TMEM63C: variants seen among roughly 807,000 people sequenced by gnomAD.
TMEM63C encodes osmosensitive cation channel TMEM63C.
A neutral mutation model predicts 99.2 loss-of-function variants in TMEM63C; 32 were observed. The observed-to-expected ratio is 0.32, with a 90% CI of 0.24 to 0.43. The LOEUF is 0.43. TMEM63C is among the 20% of genes least tolerant of loss of function. TMEM63C has a pLI of 1.00. For synonymous variants in TMEM63C, 376 were observed against 397.9 expected (o/e 0.94, Z 0.66); for missense variants, 826 against 1,053.0 (o/e 0.78, Z 2.98).
At chr14:77,211,127 T>C (rs1480594724) in intron 1 of TMEM63C, among the ~76,000 whole-genome samples, 8 of 152,178 alleles carry the variant, frequency 5.3e-5, no homozygotes. Flanking sequence ...CCCTAAAGGC[T>C]AGGGAAGCTG....
intron 16 of TMEM63C, among the ~76,000 whole-genome samples, chr14:77,244,849 G>T (rs1889240921): frequency 6.6e-6 from 1 of 152,188 alleles, no homozygotes; most frequent in African/African-American, 2.4e-5. Flanking sequence ...GAATGCTTTG[G>T]CCACACAGAG....
chr14:77,258,524 T>C lies in TMEM63C; in HGVS notation c.*1798T>C, dbSNP rs1889515882. On this transcript the variant is annotated 3_prime_UTR_variant, in exon 24 of 24. Transcript: ENST00000298351. ...TTCCCATTCCTTGTCCAGCTAGGAA[T>C]AAAGGGGAAATGGTCCTAGCCTGGC... The C allele has an allele frequency of 6.6e-6, 1 of 152,136 alleles. No individual in the cohort carries two copies. Among genetic ancestry groups the C allele is most frequent in the South Asian group, 2.1e-4 (1 of 4,828 alleles). The allele number at this position is 152,136 out of a possible 1,614,324, so 9.4% of individuals were successfully genotyped here.
intron 1 of TMEM63C, among the ~76,000 whole-genome samples, chr14:77,202,448 T>C (rs1185773975): frequency 6.6e-6 from 1 of 152,206 alleles, no homozygotes; most frequent in Non-Finnish European, 1.5e-5. Flanking sequence ...CTTCCAGTCC[T>C]GGAGGCCAGA....
intron 17 of TMEM63C, 139 bp from the exon 18 acceptor site, chr14:77,246,470 G>C (rs1385509105): frequency 8.0e-6 from 6 of 747,168 alleles, no homozygotes; most frequent in Admixed American, 6.8e-5. Context: ...CACTAAGAAG[G>C]AAGAGGGGAA....
At chr14:77,236,557 G>A (rs969329715) in intron 8 of TMEM63C, 67 bp from the exon 9 acceptor site, 3 of 1,136,846 alleles carry the variant, frequency 2.6e-6, no homozygotes, top group Non-Finnish European at 4.0e-6. Flanking sequence ...AGGCCCAGGG[G>A]TCTCTGTGCA....
chr14:77,216,386 A>G (rs1372771214), intron 2 of TMEM63C, among the ~76,000 whole-genome samples: 2 of 152,160 alleles, frequency 1.3e-5, no homozygotes, highest in Non-Finnish European at 2.9e-5. Context: ...TCTCTTCTGT[A>G]ATTCAGGGCT....
chr14:77,182,743 T>C (rs1887935635), intron 1 of TMEM63C, among the ~76,000 whole-genome samples: 1 of 152,154 alleles, frequency 6.6e-6, no homozygotes, highest in Non-Finnish European at 1.5e-5. Context: ...AATTAGATTG[T>C]CTGGGGACAG....
intron 12 of TMEM63C, among the ~76,000 whole-genome samples, chr14:77,240,114 GAGACTC>G (rs1423360123): frequency 1.3e-5 from 2 of 152,194 alleles, no homozygotes; most frequent in Admixed American, 1.3e-4. Context: ...AGAGGGCGTC[GAGACTC>G]AGACACCTGC....
At chr14:77,240,374 G>T (rs1566629050) in intron 12 of TMEM63C, 101 bp from the exon 13 acceptor site, 1 of 1,402,630 alleles carries the variant, frequency 7.1e-7, no homozygotes, top group East Asian at 2.5e-5. Context: ...GTGCTTCAAG[G>T]CCACCACAAT....
intron 21 of TMEM63C, among the ~76,000 whole-genome samples, chr14:77,251,067 C>G (rs1381027650): frequency 6.6e-6 from 1 of 152,292 alleles, no homozygotes; most frequent in African/African-American, 2.4e-5. Context: ...CAGTCCTGTA[C>G]CCTGAGGTTT....
At chr14:77,204,857 G>A (rs1191731384) in intron 1 of TMEM63C, among the ~76,000 whole-genome samples, 1 of 152,224 alleles carries the variant, frequency 6.6e-6, no homozygotes. Context: ...AGGTTAAGAA[G>A]CTTGCCCAAA....
chr14:77,231,050 C>A (rs56357623), intron 6 of TMEM63C, among the ~76,000 whole-genome samples: 15,680 of 152,258 alleles, frequency 0.1, 931 homozygotes, highest in Middle Eastern at 0.17. Flanking sequence ...TCCAGTGTAA[C>A]TGGGCCAGCA....
chr14:77,222,911 G>A (rs796343732), intron 5 of TMEM63C, among the ~76,000 whole-genome samples: 17 of 152,290 alleles, frequency 1.1e-4, no homozygotes, highest in African/African-American at 2.9e-4. Flanking sequence ...TCTGCTTTCC[G>A]CAGGCCCTGA....
Position 77,224,961 on chromosome 14 carries a change from C to T in TMEM63C, c.313-463C>T, listed in dbSNP as rs961593222. 5.3e-5 allele frequency among the ~76,000 whole-genome samples: 8 copies of T among 152,288 alleles called. 1 individual carries two copies. The highest frequency in any genetic ancestry group is 5.2e-4 in the Admixed American group (8 of 15,300). Reference sequence around the variant, plus strand: ...GAGATGACAAGTGTGAGCCACCATGCCTGGCTTCCTTAAGGAAATTTTAAT... The same window carrying T: ...GAGATGACAAGTGTGAGCCACCATGTCTGGCTTCCTTAAGGAAATTTTAAT... On this transcript the variant is annotated intron_variant, in intron 5 of 23. Coordinates refer to ENST00000298351, the MANE Select transcript of TMEM63C (RefSeq NM_020431.4).
At chr14:77,226,413 C>T (rs388764) in intron 6 of TMEM63C, among the ~76,000 whole-genome samples, 56,790 of 152,104 alleles carry the variant, frequency 0.37, 12,244 homozygotes, top group Middle Eastern at 0.49. Flanking sequence ...GTAGCGTCCC[C>T]GTGCACAAAC....
At chr14:77,218,369 C>T (rs144088662) in intron 2 of TMEM63C, among the ~76,000 whole-genome samples, 46 of 152,282 alleles carry the variant, frequency 3.0e-4, no homozygotes, top group African/African-American at 9.4e-4. Flanking sequence ...CATTGAGCCC[C>T]GTCTGCATGG....
intron 1 of TMEM63C, among the ~76,000 whole-genome samples, chr14:77,187,491 G>A (rs1338929982): frequency 6.6e-6 from 1 of 152,226 alleles, no homozygotes; most frequent in Non-Finnish European, 1.5e-5. Flanking sequence ...ACTCGGCAAG[G>A]CCAGGCCCAG....
chr14:77,223,292 C>T (rs1323120140), intron 5 of TMEM63C, among the ~76,000 whole-genome samples: 1 of 152,052 alleles, frequency 6.6e-6, no homozygotes, highest in Non-Finnish European at 1.5e-5. Context: ...GGGGGACAAA[C>T]TGAAGAGGGC....
At chr14:77,211,371 G>A (rs905311561) in intron 1 of TMEM63C, among the ~76,000 whole-genome samples, 4 of 152,178 alleles carry the variant, frequency 2.6e-5, no homozygotes, top group African/African-American at 9.7e-5. Context: ...CTTGCATTTA[G>A]GGATGGTTCT....
Sources: gnomAD v4.1 joint callset for allele counts (sites outside exome capture counted in the v4.1 genomes callset) on GRCh38, gnomAD v4.1.1 for gene constraint, MANE v1.5 for transcripts, NCBI Gene and HGNC (gene_info 2026-07-23, HGNC 2026-07-21) for gene names.